The following ADGRD1 variants were observed in gnomAD, a reference collection of about 807,000 sequenced individuals.
The protein encoded by ADGRD1 is G-protein coupled receptor 133.
ADGRD1 carries 77 observed loss-of-function variants against 113.4 expected under a neutral mutation model. The ratio of observed to expected loss-of-function variants is 0.68; its 90% CI spans 0.57 to 0.82. The LOEUF is 0.82. ADGRD1 is among the 40% of genes least tolerant of loss of function. ADGRD1 has a pLI of 0.00. For synonymous variants in ADGRD1, 474 were observed against 475.0 expected, an observed-to-expected ratio of 1.00 and a Z score of 0.03; for missense variants, 1,036 against 1,139.1, an observed-to-expected ratio of 0.91 and a Z score of 1.30.
chr12:131,012,371 G>T (rs1351364768), intron 12 of ADGRD1, among the ~76,000 whole-genome samples: 1 of 151,958 alleles, frequency 6.6e-6, no homozygotes, highest in Non-Finnish European at 1.5e-5. Flanking sequence ...GGAATTGCCG[G>T]GTCGAGCAGT....
In ADGRD1 at chr12:130,991,232, C is replaced by T. The variant is rs925475026; in HGVS notation, c.810+154C>T. ...TAACAAATGGAGGGGAAGCCAACTG[C>T]AGTACTAATTCTTGGTGCTAAGAGT... On this transcript the variant is annotated intron_variant, in intron 7 of 24. Coordinates refer to ENST00000261654, the MANE Select transcript of ADGRD1 (RefSeq NM_198827.5). 24 of 603,054 alleles carry T rather than the reference C, an allele frequency of 4.0e-5. No individual in the cohort carries two copies. In the African/African-American group the frequency reaches 4.1e-4, roughly 10 times the overall value. 37.4% of individuals were successfully genotyped at this position (603,054 alleles called of 1,614,324 possible). A position where few individuals can be genotyped will look rare whatever the true frequency, so the allele number is the denominator to read the frequency against.
intron 8 of ADGRD1, among the ~76,000 whole-genome samples, chr12:130,995,014 GC>G (rs1875046776): frequency 6.6e-6 from 1 of 152,220 alleles, no homozygotes; most frequent in African/African-American, 2.4e-5. Flanking sequence ...TTCATCACGG[GC>G]TAGAAGGGTC....
At chr12:131,139,024 TG>T in intron 24 of ADGRD1, 143 bp from the exon 25 acceptor site, 1 of 625,490 alleles carries the variant, frequency 1.6e-6, no homozygotes, top group Admixed American at 2.8e-5. Context: ...CCCAGGAGCA[TG>T]GGGGCTCCCT....
In ADGRD1 at chr12:131,138,811, G is replaced by A. The variant is rs541584534; in HGVS notation, c.2530-357G>A. ...CTAGCCCCACGGCTACAGCTGCGCC[G>A]GGTGTGTGGCACGCTCCATGAGTCA... On this transcript the variant is annotated intron_variant, in intron 24 of 24. Coordinates refer to ENST00000261654, the MANE Select transcript of ADGRD1 (RefSeq NM_198827.5). Among the ~76,000 whole-genome samples, 105 of 152,368 alleles carry A rather than the reference G, an allele frequency of 6.9e-4. 1 individual carries two copies. Among genetic ancestry groups the A allele is most frequent in the African/African-American group, 2.4e-3 (100 of 41,590 alleles).
At chr12:131,029,438 C>T (rs550975831) in intron 13 of ADGRD1, among the ~76,000 whole-genome samples, 2 of 152,340 alleles carry the variant, frequency 1.3e-5, no homozygotes, top group African/African-American at 4.8e-5. Flanking sequence ...TCAGAAAGGT[C>T]CCTTTTGCCA....
chr12:131,105,673 G>A, intron 16 of ADGRD1, 81 bp from the exon 17 acceptor site: 1 of 1,007,100 alleles, frequency 9.9e-7, no homozygotes, highest in Non-Finnish European at 1.5e-6. Flanking sequence ...TGGATATAGG[G>A]ACTTCGTGGG....
At chr12:130,957,466 ACT>A (rs2136461007) in intron 2 of ADGRD1, 1 of 152,232 alleles carries the variant, frequency 6.6e-6, no homozygotes, top group African/African-American at 2.4e-5. Flanking sequence ...ATCTTCACAT[ACT>A]CACATGTGTG....
chr12:131,033,788 C>T (rs1034617901), intron 13 of ADGRD1, among the ~76,000 whole-genome samples: 3 of 152,164 alleles, frequency 2.0e-5, no homozygotes, highest in Non-Finnish European at 2.9e-5. Flanking sequence ...GTCATTTCCA[C>T]GGCTGCTGCG....
chr12:131,086,088 C>T (rs536084956), intron 15 of ADGRD1, among the ~76,000 whole-genome samples: 1 of 152,286 alleles, frequency 6.6e-6, no homozygotes, highest in South Asian at 2.1e-4. Flanking sequence ...CCGTCCCTGC[C>T]TGGGTCACTG....
At chr12:131,124,772 G>A (rs1015526568) in intron 20 of ADGRD1, among the ~76,000 whole-genome samples, 3 of 151,976 alleles carry the variant, frequency 2.0e-5, no homozygotes, top group Non-Finnish European at 2.9e-5. Context: ...GCCCCTTCTC[G>A]AATTGTTCTT....
rs1870931028 is a variant in ADGRD1 at position 130,965,706 on chromosome 12, T to C, written c.104-757T>C. Among the ~76,000 whole-genome samples, 1 of 152,200 alleles carries C rather than the reference T, an allele frequency of 6.6e-6. No homozygotes were observed. Among genetic ancestry groups the C allele is most frequent in the Admixed American group, 6.5e-5 (1 of 15,274 alleles). Reference sequence around the variant, plus strand: ...GGGTTAGATAGAAACAAAGAAATAATTCATATAGCATTCAATGAGAAGAGC... The same window carrying C: ...GGGTTAGATAGAAACAAAGAAATAACTCATATAGCATTCAATGAGAAGAGC... On this transcript the variant is annotated intron_variant, in intron 2 of 24. Transcript: ENST00000261654. The surrounding 1 kb of genome is among the most constrained non-coding windows in gnomAD (Gnocchi z 4.8).
At chr12:131,101,228 G>A (rs1227772259) in intron 15 of ADGRD1, among the ~76,000 whole-genome samples, 1 of 152,050 alleles carries the variant, frequency 6.6e-6, no homozygotes, top group Non-Finnish European at 1.5e-5. Context: ...GTGGGGTGGA[G>A]ACCTGTGTGG....
At position 131,084,742 on chromosome 12, in the gene ADGRD1, C is replaced by T. The variant is rs1469817599; in HGVS notation, c.1671+79C>T. The T allele has an allele frequency of 2.7e-6, 4 of 1,485,022 alleles. No homozygotes were observed. The highest frequency in any genetic ancestry group is 3.7e-6 in the Non-Finnish European group (4 of 1,084,484). 92.0% of individuals were successfully genotyped at this position (1,485,022 alleles called of 1,614,324 possible). A position where few individuals can be genotyped will look rare whatever the true frequency, so the allele number is the denominator to read the frequency against. Reference sequence around the variant, plus strand: ...CAGGTGGGGGCGGGAGGATGCTTTGCCCGCCAGTGCCCACGGGCCCTGGGC... The same window carrying T: ...CAGGTGGGGGCGGGAGGATGCTTTGTCCGCCAGTGCCCACGGGCCCTGGGC... On this transcript the variant is annotated intron_variant, in intron 15 of 24. Coordinates refer to ENST00000261654, the MANE Select transcript of ADGRD1 (RefSeq NM_198827.5). This position sits in a 1 kb window ranked among gnomAD's most constrained non-coding sequence, Gnocchi z 4.5.
chr12:130,978,151 T>C (rs1872543878), intron 4 of ADGRD1: 1 of 152,214 alleles, frequency 6.6e-6, no homozygotes, highest in Non-Finnish European at 1.5e-5. Flanking sequence ...AATCATCCTT[T>C]GTCTTATGCC....
intron 14 of ADGRD1, among the ~76,000 whole-genome samples, chr12:131,083,371 G>A (rs1199487557): frequency 6.6e-6 from 1 of 152,122 alleles, no homozygotes; most frequent in Non-Finnish European, 1.5e-5. Flanking sequence ...GGAGGCTGAG[G>A]CAGGAAGGTT....
chr12:131,133,487 C>T (rs1045247563), intron 21 of ADGRD1, among the ~76,000 whole-genome samples: 6 of 152,208 alleles, frequency 3.9e-5, no homozygotes, highest in East Asian at 3.8e-4. Context: ...CTCGAGGTAG[C>T]GTGCCCCGGG....
At chr12:131,004,833 G>A (rs778995451) in intron 11 of ADGRD1, among the ~76,000 whole-genome samples, 1 of 152,180 alleles carries the variant, frequency 6.6e-6, no homozygotes, top group Non-Finnish European at 1.5e-5. Flanking sequence ...CCCTGCCTCT[G>A]ACCAGGGAGC....
At chr12:131,087,691 C>T (rs1364941181) in intron 15 of ADGRD1, among the ~76,000 whole-genome samples, 2 of 150,012 alleles carry the variant, frequency 1.3e-5, no homozygotes, top group Non-Finnish European at 3.0e-5. Context: ...CCTAGAGCAG[C>T]TGCCCCGCCA....
At position 130,977,663 on chromosome 12, in the gene ADGRD1, G is replaced by A. The variant is rs74555884; in HGVS notation, c.311-4221G>A. ...CATCCGCTCAGAAGCTCCAAGTTCT[G>A]GTTTTGTCAGGTGAGCCTGCCCATG... On this transcript the variant is annotated intron_variant, in intron 4 of 24. Coordinates refer to ENST00000261654, the MANE Select transcript of ADGRD1 (RefSeq NM_198827.5). 8.5e-3 allele frequency: 1,292 copies of A among 152,566 alleles called. 6 individuals carry two copies. The highest frequency in any genetic ancestry group is 0.011 in the Non-Finnish European group (777 of 68,208). 9.5% of individuals were successfully genotyped at this position (152,566 alleles called of 1,614,324 possible). A position where few individuals can be genotyped will look rare whatever the true frequency, so the allele number is the denominator to read the frequency against.
Sources: allele counts gnomAD v4.1 joint callset (sites outside exome capture counted in the v4.1 genomes callset), GRCh38; gene constraint gnomAD v4.1.1; non-coding constraint Gnocchi (gnomAD v3.1); transcripts MANE v1.5; gene names NCBI Gene and HGNC (gene_info 2026-07-23, HGNC 2026-07-21).